ARRDC2: variants seen among roughly 807,000 people sequenced by gnomAD.
ARRDC2 encodes the protein arrestin domain containing 2.
In ARRDC2, 39 loss-of-function variants were observed where a neutral mutation model predicts 38.9. The ratio of observed to expected loss-of-function variants is 1.00; its 90% CI spans 0.78 to 1.31. The LOEUF (loss-of-function observed/expected upper bound fraction) is 1.31. ARRDC2 is among the 50% of genes most tolerant of loss of function. ARRDC2 has a pLI of 0.00. For missense variants in ARRDC2, 553 were observed against 588.4 expected, an observed-to-expected ratio of 0.94 and a Z score of 0.62; for synonymous variants, 300 against 261.9, an observed-to-expected ratio of 1.15 and a Z score of -1.41.
At chr19:18,012,682 G>A (rs1347614703) in intron 7 of ARRDC2, among the ~76,000 whole-genome samples, 3 of 152,180 alleles carry the variant, frequency 2.0e-5, no homozygotes, top group Non-Finnish European at 4.4e-5. Flanking sequence ...CTGAGCATCT[G>A]TGGATTTTGG....
Position 18,011,799 on chromosome 19 carries a change from C to T in ARRDC2, c.1170+1070C>T, listed in dbSNP as rs1599402223. On this transcript the variant is annotated intron_variant, in intron 7 of 7. Coordinates refer to ENST00000222250, the MANE Select transcript of ARRDC2 (RefSeq NM_015683.2). ...GCTTGAGCCCAGGAGTTTGAGGCTG[C>T]AGTGAGCAATGATTGTGCTACTACA... Among the ~76,000 whole-genome samples the T allele has an allele frequency of 2.0e-5, 3 of 151,748 alleles. No individual in the cohort carries two copies. In the Middle Eastern group the frequency reaches 0.01, roughly 516 times the overall value.
chr19:18,008,115 G>GTGGGGGGCC, upstream of ARRDC2: 2 of 810,032 alleles, frequency 2.5e-6, no homozygotes, highest in Non-Finnish European at 3.4e-6. Flanking sequence ...AAGAGACGGT[G>GTGGGGGGCC]ACCCCACCCC....
chr19:18,006,461 C>T (rs1430878760), upstream of ARRDC2, among the ~76,000 whole-genome samples: 1 of 152,196 alleles, frequency 6.6e-6, no homozygotes, highest in African/African-American at 2.4e-5. Context: ...CCCTTCTCCA[C>T]CAAAAAAACC....
In ARRDC2 at chr19:18,008,993, G is replaced by A; in HGVS notation, c.364G>A (p.Gly122Ser). Reference protein sequence around the residue: ...LPPTLVTSFEGKHGSVRYCIK... With the variant: ...LPPTLVTSFESKHGSVRYCIK... ...TAGGACCCTGGTGACATCCTTCGAG[G>A]GCAAACACGGTAGTGTCCGCTACTG... The change falls in exon 3 of 8, where the codon GGC (glycine) becomes AGC (serine). Residue 122 changes from glycine (G) to serine (S), a missense_variant. This residue lies in a region of ARRDC2 where 447 missense variants were observed against 456.6 expected (regional missense o/e 0.98). Coordinates refer to ENST00000222250, the MANE Select transcript of ARRDC2 (RefSeq NM_015683.2). The A allele has an allele frequency of 2.5e-6, 4 of 1,613,674 alleles. No homozygotes were observed. The highest frequency in any genetic ancestry group is 1.1e-5 in the South Asian group (1 of 91,076).
At position 18,012,929 on chromosome 19, in the gene ARRDC2, T is replaced by A. The variant is rs7259041; in HGVS notation, c.1187T>A (p.Leu396His). 1 of 1,612,870 alleles carries A rather than the reference T, an allele frequency of 6.2e-7. No individual in the cohort carries two copies. Among genetic ancestry groups the A allele is most frequent in the South Asian group, 1.1e-5 (1 of 90,988 alleles). ...PLYSEEDPNP[L>H]LGDMRPRCMT... The stretch of plus-strand genomic sequence containing the variant: ...TTCTCTTAGGAGGATCCAAACCCAC[T>A]CTTGGGGGACATGAGGCCGCGCTGC... Residue 396 changes from leucine (L) to histidine (H), a missense_variant, in exon 8 of 8, where the codon CTC (leucine) becomes CAC (histidine). Transcript: ENST00000222250.
intron 7 of ARRDC2, among the ~76,000 whole-genome samples, chr19:18,011,413 G>A (rs1016993181): frequency 2.0e-5 from 3 of 152,062 alleles, no homozygotes; most frequent in Admixed American, 6.6e-5. Flanking sequence ...GATTACAGGC[G>A]TCAGCCACTG....
chr19:18,004,258 T>C (rs1452866808), upstream of ARRDC2, among the ~76,000 whole-genome samples: 1 of 149,352 alleles, frequency 6.7e-6, no homozygotes, highest in Admixed American at 6.6e-5. Flanking sequence ...TTTTTTTTTT[T>C]TTTTTTTAGG....
At position 18,008,237 on chromosome 19, in the gene ARRDC2, G is replaced by T. The variant is rs2033323692; in HGVS notation, c.-74G>T. The T allele has an allele frequency of 1.3e-6, 2 of 1,549,834 alleles. No individual in the cohort carries two copies. The highest frequency in any genetic ancestry group is 1.4e-5 in the African/African-American group (1 of 70,158). On this transcript the variant is annotated 5_prime_UTR_variant, in exon 1 of 8. Transcript: ENST00000222250. ...CGATTTTGCGTTCTGAGGCTGCAGC[G>T]TCGGCATCTTGAGCTGCCGGTTCGC...
chr19:18,002,046 G>C (rs2033195491), intron 1 of ARRDC2, among the ~76,000 whole-genome samples: 1 of 152,146 alleles, frequency 6.6e-6, no homozygotes, highest in South Asian at 2.1e-4. Context: ...AAAGCAGGGG[G>C]ACCCTCCTAT....
At chr19:18,011,934 G>GTGTGTGTATA (rs944958651) in intron 7 of ARRDC2, among the ~76,000 whole-genome samples, 1 of 68,408 alleles carries the variant, frequency 1.5e-5, no homozygotes, top group East Asian at 7.7e-4. Context: ...GTGTATATGT[G>GTGTGTGTATA]TATATATATA....
rs1767511690 is a variant in ARRDC2, at chr19:18,009,103, C to T, written c.474C>T (p.Asn158=). Reference sequence around the variant, plus strand: ...CTGTCATCGAGCCTGTGGACATCAACACGCCAGCCCTGCTGGTGAGTGGCC... The same window carrying T: ...CTGTCATCGAGCCTGTGGACATCAATACGCCAGCCCTGCTGGTGAGTGGCC... ...VFTVIEPVDI[N]TPALLAPQAG... The change falls in exon 3 of 8, where the codon AAC becomes AAT. Residue 158 remains asparagine (N), a synonymous_variant. Coordinates refer to ENST00000222250, the MANE Select transcript of ARRDC2 (RefSeq NM_015683.2). The T allele has an allele frequency of 6.2e-7, 1 of 1,613,606 alleles. No individual in the cohort carries two copies. Among genetic ancestry groups the T allele is most frequent in the Non-Finnish European group, 8.5e-7 (1 of 1,179,956 alleles).
Position 18,009,040 on chromosome 19 carries a change from G to A in ARRDC2, c.411G>A (p.Arg137=). The change falls in exon 3 of 8, where the codon CGG becomes CGA. Residue 137 remains arginine, a synonymous_variant. Transcript: ENST00000222250. The part of the protein sequence containing the change: ...VRYCIKATLH[R]PWVPARRARK... ...ACTGTATCAAGGCCACCCTGCACCG[G>A]CCCTGGGTCCCAGCACGCCGGGCAA... 1 of 1,613,642 alleles carries A rather than the reference G, an allele frequency of 6.2e-7. No individual in the cohort carries two copies. Among genetic ancestry groups the A allele is most frequent in the East Asian group, 2.2e-5 (1 of 44,882 alleles).
chr19:18,007,161 C>T (rs2033296954), upstream of ARRDC2: 1 of 152,370 alleles, frequency 6.6e-6, no homozygotes, highest in Non-Finnish European at 1.5e-5. Context: ...GAGAGGGCGC[C>T]AGCGTCCCGC....
intron 1 of ARRDC2, 57 bp downstream of exon 1, chr19:18,008,641 G>C (rs766928140): frequency 1.2e-6 from 2 of 1,602,262 alleles, no homozygotes; most frequent in South Asian, 1.1e-5. Context: ...CCACCTGGAC[G>C]GCGGTACCTC....
chr19:18,008,638 G>A (rs1289090249), intron 1 of ARRDC2, 54 bp downstream of exon 1: 9 of 1,601,872 alleles, frequency 5.6e-6, no homozygotes. Flanking sequence ...CCACCACCTG[G>A]ACGGCGGTAC....
intron 7 of ARRDC2, among the ~76,000 whole-genome samples, chr19:18,012,083 G>A (rs186708020): frequency 3.5e-3 from 526 of 148,810 alleles, no homozygotes; most frequent in African/African-American, 0.01. Context: ...TTAGCCTCCC[G>A]AGTAGCTGGG....
chr19:18,008,820 C>G (rs753622086), intron 2 of ARRDC2, 43 bp downstream of exon 2: 9 of 1,608,696 alleles, frequency 5.6e-6, no homozygotes, highest in Middle Eastern at 1.6e-4. Context: ...CCTGCAGCCC[C>G]TTCCAGATTG....
intron 6 of ARRDC2, 86 bp downstream of exon 6, chr19:18,010,444 C>T (rs1599400740): frequency 1.3e-6 from 2 of 1,561,078 alleles, no homozygotes; most frequent in Non-Finnish European, 1.7e-6. Context: ...CACGAGTCCC[C>T]CGGAATCCCA....
chr19:18,003,617 C>A (rs1001521429), upstream of ARRDC2, among the ~76,000 whole-genome samples: 1 of 150,266 alleles, frequency 6.7e-6, no homozygotes, highest in African/African-American at 2.5e-5. Context: ...CCCGCCAACA[C>A]GCTGGCTAAT....
Sources: gnomAD v4.1 joint callset for allele counts (sites outside exome capture counted in the v4.1 genomes callset) on GRCh38, gnomAD v4.1.1 for gene constraint, gnomAD v4.1.1 regional missense constraint, MANE v1.5 for transcripts, NCBI Gene and HGNC (gene_info 2026-07-23, HGNC 2026-07-21) for gene names.